PFDN5: variants seen among roughly 807,000 people sequenced by gnomAD.
PFDN5 encodes the protein c-myc binding protein.
Under a neutral mutation model 21.5 loss-of-function variants are expected in PFDN5, and 13 were observed. The ratio of observed to expected loss-of-function variants is 0.60; its 90% CI spans 0.39 to 0.96. The LOEUF is 0.96. PFDN5 is among the 40% of genes least tolerant of loss of function. The pLI is 0.00. For synonymous variants in PFDN5, 84 were observed against 68.9 expected (o/e 1.22, Z -1.08); for missense variants, 188 against 186.2 (o/e 1.01, Z -0.06).
At chr12:53,297,654 T>G (rs1483155547) in intron 3 of PFDN5, 196 bp from the exon 4 acceptor site, 10 of 573,942 alleles carry the variant, frequency 1.7e-5, no homozygotes, top group Non-Finnish European at 2.2e-5. Flanking sequence ...TACATCATTT[T>G]CTCCTTAAAG....
intron 3 of PFDN5, chr12:53,296,845 A>T: frequency 1.2e-5 from 2 of 171,754 alleles, no homozygotes; most frequent in Non-Finnish European, 2.5e-5. Flanking sequence ...GAGAACATTA[A>T]TATGGAGATA....
In PFDN5 at chr12:53,295,925, G is replaced by A; in HGVS notation, c.159G>A (p.Leu53=). Residue 53 remains leucine, a synonymous_variant, in exon 2 of 6, where the codon CTG becomes CTA. Coordinates refer to ENST00000334478, the MANE Select transcript of PFDN5 (RefSeq NM_002624.4). ...AAGCCAAGGACTGTCTGAACGTGCTGAACAAGAGCAACGAGGGTATGGGGT... is the reference window on the plus strand; with the variant it reads ...AAGCCAAGGACTGTCTGAACGTGCTAAACAAGAGCAACGAGGGTATGGGGT... ...YVEAKDCLNV[L]NKSNEGKELL... 1 of 1,608,504 alleles carries A rather than the reference G, an allele frequency of 6.2e-7. No individual in the cohort carries two copies.
chr12:53,295,783 C>A, intron 1 of PFDN5, 56 bp from the exon 2 acceptor site: 4 of 1,290,604 alleles, frequency 3.1e-6, no homozygotes, highest in Non-Finnish European at 4.5e-6. Context: ...CCTCCCCGGC[C>A]GCGCTCCTTT....
chr12:53,295,653 C>T lies in PFDN5; in HGVS notation c.72+14C>T, dbSNP rs371255560. ...CAGCTGGACCAGGTGGGGACGGGCC[C>T]CAGAGGCACCTCTTTCCTGCTCTAC... On this transcript the variant is annotated intron_variant, in intron 1 of 5. Coordinates refer to ENST00000334478, the MANE Select transcript of PFDN5 (RefSeq NM_002624.4). The T allele has an allele frequency of 1.9e-6, 3 of 1,607,240 alleles. No homozygotes were observed. The African/African-American group carries it at 4.0e-5, about 21-fold the overall frequency.
intron 4 of PFDN5, 53 bp from the exon 5 acceptor site, chr12:53,297,992 G>C (rs2694860): frequency 1.9e-6 from 3 of 1,563,812 alleles, no homozygotes; most frequent in Admixed American, 1.7e-5. Flanking sequence ...CTAGAGCGCA[G>C]CATGGCCAGA....
At position 53,295,799 on chromosome 12, in the gene PFDN5, C is replaced by G. The variant is rs375005835; in HGVS notation, c.73-40C>G. ...CTCCCCGGCCGCGCTCCTTTCTCCC[C>G]TTAGTCCTCTCATTGACCCGCTATC... is the stretch of plus-strand genomic sequence containing the variant. On this transcript the variant is annotated intron_variant, in intron 1 of 5. Coordinates refer to ENST00000334478, the MANE Select transcript of PFDN5 (RefSeq NM_002624.4). The G allele has an allele frequency of 2.0e-5, 27 of 1,359,100 alleles. No individual in the cohort carries two copies. The African/African-American group carries it at 3.7e-4, about 19-fold the overall frequency. 84.2% of individuals were successfully genotyped at this position (1,359,100 alleles called of 1,614,324 possible).
chr12:53,297,676 C>T, intron 3 of PFDN5, 174 bp from the exon 4 acceptor site: 1 of 600,202 alleles, frequency 1.7e-6, no homozygotes, highest in Non-Finnish European at 3.0e-6. Context: ...ACCAACTTCT[C>T]TGTCTTCTTT....
chr12:53,296,509 A>C (rs893064504), intron 3 of PFDN5: 2 of 633,586 alleles, frequency 3.2e-6, no homozygotes, highest in African/African-American at 3.7e-5. Flanking sequence ...CCCGAGTTCA[A>C]GAGATTCTTC....
intron 3 of PFDN5, chr12:53,296,943 T>G (rs2121033910): frequency 6.5e-6 from 1 of 154,002 alleles, no homozygotes; most frequent in South Asian, 1.9e-4. Flanking sequence ...AGCTTGGCTC[T>G]GTTAATCTTC....
chr12:53,298,438 G>A (rs79211945), intron 5 of PFDN5: 11,120 of 300,306 alleles, frequency 0.037, 501 homozygotes, highest in East Asian at 0.14. Flanking sequence ...TGATCCAAAC[G>A]AACTAAATAC....
chr12:53,297,896 A>G lies in PFDN5; in HGVS notation c.254A>G (p.Asp85Gly). ...KLHDVEHVLI[D>G]VGTGYYVEKT... ...CATGATGTGGAACACGTGCTCATCG[A>G]TGTGGGAACTGGGTACTATGTAGAG... is the stretch of plus-strand genomic sequence containing the variant. The change falls in exon 4 of 6, where the codon GAT becomes GGT. Residue 85 changes from aspartate (D) to glycine (G), a missense_variant. By Grantham distance (94) the Asp-to-Gly change is moderately conservative (BLOSUM62 -1). Coordinates refer to ENST00000334478, the MANE Select transcript of PFDN5 (RefSeq NM_002624.4). 6.2e-7 allele frequency: 1 copy of G among 1,613,336 alleles called. No individual in the cohort carries two copies. Among genetic ancestry groups the G allele is most frequent in the Non-Finnish European group, 8.5e-7 (1 of 1,179,570 alleles).
At chr12:53,296,621 G>T in intron 3 of PFDN5, 1 of 367,484 alleles carries the variant, frequency 2.7e-6, no homozygotes, top group Non-Finnish European at 5.1e-6. Flanking sequence ...TATTGGCCAG[G>T]CTAGTCTCGA....
At chr12:53,296,349 G>T in intron 3 of PFDN5, 74 bp downstream of exon 3, 3 of 1,142,952 alleles carry the variant, frequency 2.6e-6, no homozygotes, top group Non-Finnish European at 3.9e-6. Flanking sequence ...GCGGGGAGGG[G>T]GATTGTTTTG....
At chr12:53,299,152 A>T (rs1944195582) in intron 5 of PFDN5, 117 bp from the exon 6 acceptor site, 5 of 519,434 alleles carry the variant, frequency 9.6e-6, no homozygotes, top group Non-Finnish European at 1.8e-5. Context: ...AAAAAAAAAA[A>T]GGTTATTAAC....
chr12:53,296,014 T>G, intron 2 of PFDN5, 73 bp downstream of exon 2: 1 of 945,462 alleles, frequency 1.1e-6, no homozygotes, highest in East Asian at 2.4e-5. Context: ...TAACCCAGTT[T>G]TTCTTACCTG....
intron 1 of PFDN5, 40 bp from the exon 2 acceptor site, chr12:53,295,799 C>T: frequency 1.5e-6 from 2 of 1,359,100 alleles, no homozygotes; most frequent in Non-Finnish European, 2.1e-6. Context: ...CCTTTCTCCC[C>T]TTAGTCCTCT....
Position 53,295,921 on chromosome 12 carries a change from T to C in PFDN5, c.155T>C (p.Val52Ala). 1.2e-6 allele frequency: 2 copies of C among 1,610,440 alleles called. No homozygotes were observed. The highest frequency in any genetic ancestry group is 1.7e-6 in the Non-Finnish European group (2 of 1,176,650). The change falls in exon 2 of 6, where the codon GTG becomes GCG. Residue 52 changes from valine (V) to alanine (A), a missense_variant. By Grantham distance (64) the Val-to-Ala change is moderately conservative (BLOSUM62 0). Coordinates refer to ENST00000334478, the MANE Select transcript of PFDN5 (RefSeq NM_002624.4). ...GTGGAAGCCAAGGACTGTCTGAACG[T>C]GCTGAACAAGAGCAACGAGGGTATG... Reference protein sequence around the residue: ...KYVEAKDCLNVLNKSNEGKEL... With the variant: ...KYVEAKDCLNALNKSNEGKEL...
intron 3 of PFDN5, chr12:53,296,497 C>T (rs1261826452): frequency 4.6e-6 from 3 of 646,168 alleles, no homozygotes; most frequent in Non-Finnish European, 5.6e-6. Context: ...CAACCTCCGC[C>T]TCCCGAGTTC....
rs1944199498 is a variant in PFDN5 at position 53,299,337 on chromosome 12, A to T, written c.457A>T (p.Lys153Ter). ...TALGAAQATA[K>*]A is the part of the protein sequence containing the mutation. Reference sequence around the variant, plus strand: ...CCTGGGGGCAGCTCAGGCTACTGCTAAGGCCTGAGAGTTTTTGCAGAAATG... The same window carrying T: ...CCTGGGGGCAGCTCAGGCTACTGCTTAGGCCTGAGAGTTTTTGCAGAAATG... The change falls in exon 6 of 6, where the codon AAG becomes TAG. Residue 153 changes from lysine to a stop codon, truncating the protein, a stop_gained. Transcript: ENST00000334478. LOFTEE classifies it high-confidence loss of function. The T allele has an allele frequency of 2.5e-6, 4 of 1,581,000 alleles. No individual in the cohort carries two copies. The African/African-American group carries it at 5.4e-5, about 21-fold the overall frequency.
Sources: gnomAD v4.1 joint callset for allele counts on GRCh38, gnomAD v4.1.1 for gene constraint, MANE v1.5 for transcripts, NCBI Gene and HGNC (gene_info 2026-07-23, HGNC 2026-07-21) for gene names.